The following CEP162 variants were observed in gnomAD, a reference collection of about 807,000 sequenced individuals.
The protein encoded by CEP162 is centrosomal protein of 162 kDa.
Under a neutral mutation model 169.2 loss-of-function variants are expected in CEP162, and 141 were observed. That is an observed-to-expected ratio of 0.83 (90% CI 0.73 to 0.96). CEP162 has a LOEUF of 0.96. Ranked by LOEUF, CEP162 falls within the 40% of genes least tolerant of loss-of-function variation. The probability of loss-of-function intolerance (pLI) is 0.00; values close to 1 mark genes in which losing one functional copy is unlikely to be tolerated. For synonymous variants in CEP162, 540 were observed against 526.4 expected, an observed-to-expected ratio of 1.03 and a Z score of -0.35; for missense variants, 1,600 against 1,587.2, an observed-to-expected ratio of 1.01 and a Z score of -0.14.
chr6:84,149,774 A>C, intron 23 of CEP162, 71 bp from the exon 24 acceptor site: 1 of 1,307,486 alleles, frequency 7.6e-7, no homozygotes, highest in Non-Finnish European at 1.0e-6. Flanking sequence ...TTAGCACAAA[A>C]ACAGTAGAAG....
At chr6:84,149,146 A>T (rs989343750) in intron 24 of CEP162, among the ~76,000 whole-genome samples, 1 of 152,052 alleles carries the variant, frequency 6.6e-6, no homozygotes, top group Admixed American at 6.6e-5. Flanking sequence ...ATTTGTTAAT[A>T]AAAGGTCATG....
At chr6:84,134,354 C>T (rs2099512970) in intron 25 of CEP162, among the ~76,000 whole-genome samples, 1 of 152,100 alleles carries the variant, frequency 6.6e-6, no homozygotes, top group Non-Finnish European at 1.5e-5. Flanking sequence ...ACCCTCTTTC[C>T]AGGGGTGTCT....
chr6:84,154,326 A>ATCTGTCTGTCTGTCTG (rs201436483), intron 22 of CEP162, among the ~76,000 whole-genome samples: 4 of 147,832 alleles, frequency 2.7e-5, no homozygotes, highest in South Asian at 2.1e-4. Context: ...CTATCTATCT[A>ATCTGTCTGTCTGTCTG]TCTATCTGTC....
intron 25 of CEP162, among the ~76,000 whole-genome samples, chr6:84,131,673 T>G (rs13215493): frequency 2.9e-5 from 4 of 139,660 alleles, no homozygotes; most frequent in Non-Finnish European, 6.5e-5. Flanking sequence ...TGCTTTTTTT[T>G]TGTTTTGTTT....
At chr6:84,201,650 G>A in intron 8 of CEP162, 87 bp downstream of exon 8, 1 of 667,302 alleles carries the variant, frequency 1.5e-6, no homozygotes, top group East Asian at 3.1e-5. Flanking sequence ...AACAAACACA[G>A]ATAGTGACTC....
intron 13 of CEP162, among the ~76,000 whole-genome samples, chr6:84,175,668 C>A (rs953568101): frequency 4.6e-5 from 7 of 152,096 alleles, no homozygotes; most frequent in Non-Finnish European, 8.8e-5. Context: ...TAAATAAATT[C>A]TTCTGTTAAA....
chr6:84,198,967 T>C, intron 9 of CEP162, among the ~76,000 whole-genome samples: 1 of 152,334 alleles, frequency 6.6e-6, no homozygotes, highest in East Asian at 1.9e-4. Flanking sequence ...GAAGACATTA[T>C]GTAATTATAA....
intron 9 of CEP162, among the ~76,000 whole-genome samples, chr6:84,197,764 C>T (rs150474280): frequency 0.022 from 3,212 of 147,128 alleles, 110 homozygotes; most frequent in African/African-American, 0.075. Context: ...CTGCAGTGAG[C>T]GGAGATCATG....
intron 21 of CEP162, among the ~76,000 whole-genome samples, chr6:84,156,950 G>A (rs985139924): frequency 6.6e-6 from 1 of 152,054 alleles, no homozygotes; most frequent in Non-Finnish European, 1.5e-5. Context: ...AACAGACACT[G>A]GAGACTACAA....
intron 9 of CEP162, among the ~76,000 whole-genome samples, chr6:84,199,286 CG>C (rs2099543458): frequency 6.6e-6 from 1 of 151,728 alleles, no homozygotes; most frequent in South Asian, 2.1e-4. Context: ...TAATGTGTCT[CG>C]ATGGGAAAAT....
intron 13 of CEP162, 90 bp from the exon 14 acceptor site, chr6:84,175,437 G>A: frequency 3.2e-6 from 3 of 925,524 alleles, no homozygotes; most frequent in Admixed American, 3.1e-5. Flanking sequence ...AAATACAATG[G>A]AAACACAAAA....
chr6:84,159,503 T>C (rs991837169), intron 21 of CEP162, among the ~76,000 whole-genome samples: 1 of 142,028 alleles, frequency 7.0e-6, no homozygotes, highest in Non-Finnish European at 1.5e-5. Context: ...TATTTCTAGT[T>C]CTTTTTTAAA....
At chr6:84,173,832 C>T (rs766530385) in intron 16 of CEP162, among the ~76,000 whole-genome samples, 4 of 151,640 alleles carry the variant, frequency 2.6e-5, no homozygotes, top group African/African-American at 4.8e-5. Flanking sequence ...GACAGGTGTG[C>T]GCCACCATGC....
At chr6:84,190,792 A>G (rs987138875) in intron 11 of CEP162, among the ~76,000 whole-genome samples, 4 of 152,204 alleles carry the variant, frequency 2.6e-5, no homozygotes, top group African/African-American at 9.6e-5. Context: ...AGTGAGACCA[A>G]GAACCCACCA....
rs372352070 is a variant in CEP162 at position 84,215,641 on chromosome 6, T to A, written c.319+135A>T. The stretch of plus-strand genomic sequence containing the variant: ...CGTAAGGTTTAAAGCTTCTCTAGAA[T>A]AATTCTAAACCTCTAGGAAGATATT... On this transcript the variant is annotated intron_variant, in intron 4 of 26. Transcript: ENST00000403245. The A allele has an allele frequency of 7.1e-6, 9 of 1,264,370 alleles. No individual in the cohort carries two copies. In the East Asian group the frequency reaches 7.7e-5, roughly 11 times the overall value. 78.3% of individuals were successfully genotyped at this position (1,264,370 alleles called of 1,614,324 possible). A position where few individuals can be genotyped will look rare whatever the true frequency, so the allele number is the denominator to read the frequency against.
rs777833281 is a variant in CEP162, at chr6:84,186,553, T to C, written c.1180A>G (p.Ile394Val). Residue 394 changes from isoleucine (I) to valine (V), a missense_variant, in exon 12 of 27, where the codon ATT becomes GTT. Transcript: ENST00000403245. ...SSLPLKMNPN[I>V]LSQDSQHVNL... ...ACATGTTGTGAGTCTTGAGACAAAA[T>C]ATTTGGGTTCATCTTCAGGGGTAAA... 1.2e-6 allele frequency: 2 copies of C among 1,612,778 alleles called. No homozygotes were observed. Among genetic ancestry groups the C allele is most frequent in the South Asian group, 1.1e-5 (1 of 90,924 alleles).
intron 6 of CEP162, among the ~76,000 whole-genome samples, chr6:84,204,988 A>AC (rs2099546213): frequency 6.6e-6 from 1 of 151,974 alleles, no homozygotes; most frequent in African/African-American, 2.4e-5. Context: ...AAACGGATAA[A>AC]TCCTGGACAC....
Position 84,149,598 on chromosome 6 carries a change from T to C in CEP162, c.3735A>G (p.Lys1245=). The C allele has an allele frequency of 6.2e-7, 1 of 1,604,116 alleles. No homozygotes were observed. Among genetic ancestry groups the C allele is most frequent in the Non-Finnish European group, 8.5e-7 (1 of 1,174,980 alleles). Reference sequence around the variant, plus strand: ...CTATTTTACGATTTAGTTCAGCTACTTTGGAAGAAGAATTTTCTACTGCAT... The same window carrying C: ...CTATTTTACGATTTAGTTCAGCTACCTTGGAAGAAGAATTTTCTACTGCAT... ...CQNAVENSSS[K]VAELNRKIAT... Residue 1245 remains lysine (K), a synonymous_variant, in exon 24 of 27, where the codon AAA becomes AAG. Coordinates refer to ENST00000403245, the MANE Select transcript of CEP162 (RefSeq NM_014895.4).
chr6:84,185,195 C>T lies in CEP162; in HGVS notation c.1655G>A (p.Arg552Lys), dbSNP rs150970988. The change falls in exon 13 of 27, where the codon AGG becomes AAG. Residue 552 changes from arginine to lysine, a missense_variant. Transcript: ENST00000403245. ...LRSISTSNQP[R>K]KKEILSGTKL... ...AAAGAGTATATGATTACCTTTTTTC[C>T]TAGGTTGATTGGAGGTAGAAATCGA... The T allele has an allele frequency of 8.7e-6, 14 of 1,605,806 alleles. No individual in the cohort carries two copies. In the African/African-American group the frequency reaches 1.2e-4, roughly 14 times the overall value.
Sources: allele counts gnomAD v4.1 joint callset (sites outside exome capture counted in the v4.1 genomes callset), GRCh38; gene constraint gnomAD v4.1.1; transcripts MANE v1.5; gene names NCBI Gene and HGNC (gene_info 2026-07-23, HGNC 2026-07-21).